Variants in GMDS observed in about 807,000 individuals in gnomAD.
The protein encoded by GMDS is GDP-mannose 4,6-dehydratase, also known as GDP-mannose 4,6 dehydratase.
In GMDS, 20 loss-of-function variants were observed where a neutral mutation model predicts 49.9. The ratio of observed to expected loss-of-function variants is 0.40; its 90% confidence interval spans 0.28 to 0.58. The LOEUF is 0.58. Ranked by LOEUF, GMDS falls within the 20% of genes least tolerant of loss-of-function variation. The pLI is 0.42. For missense variants in GMDS, 362 were observed against 481.4 expected, an observed-to-expected ratio of 0.75 and a Z score of 2.32; for synonymous variants, 177 against 178.6, an observed-to-expected ratio of 0.99 and a Z score of 0.07.
rs368348753 is a variant in GMDS at position 1,899,017 on chromosome 6, C to T, written c.771+31086G>A. Among the ~76,000 whole-genome samples the T allele has an allele frequency of 6.6e-5, 10 of 152,340 alleles. 1 individual carries two copies. In the South Asian group the frequency reaches 2.1e-3, roughly 32 times the overall value. On this transcript the variant is annotated intron_variant, in intron 7 of 10. Coordinates refer to ENST00000380815, the MANE Select transcript of GMDS (RefSeq NM_001500.4). ...ATAACAGTGCTTCATGAGCTTTCGC[C>T]TGCCTTATAAATGCTCCTCTGTGCT...
intron 4 of GMDS, among the ~76,000 whole-genome samples, chr6:1,964,005 G>T (rs974981201): frequency 1.3e-5 from 2 of 152,196 alleles, no homozygotes; most frequent in East Asian, 1.9e-4. Flanking sequence ...CCTGGATGAG[G>T]CTCACCACAA....
At chr6:2,062,395 C>G (rs1387023043) in intron 4 of GMDS, among the ~76,000 whole-genome samples, 2 of 152,136 alleles carry the variant, frequency 1.3e-5, no homozygotes, top group African/African-American at 4.8e-5. Flanking sequence ...GCATTGCTGA[C>G]CTGAAACATC....
rs116010142 is a variant in GMDS, at chr6:2,178,136, C to T, written c.103-53405G>A. Reference sequence around the variant, plus strand: ...AACAATAGACACTGGGGACTACTGGCGGGAGGGAAGAAGGAGAGCAACAGC... The same window carrying T: ...AACAATAGACACTGGGGACTACTGGTGGGAGGGAAGAAGGAGAGCAACAGC... On this transcript the variant is annotated intron_variant, in intron 1 of 10. Transcript: ENST00000380815. 9.2e-3 allele frequency among the ~76,000 whole-genome samples: 1,398 copies of T among 152,180 alleles called. 5 individuals carry two copies. Among genetic ancestry groups the T allele is most frequent in the Middle Eastern group, 0.017 (5 of 294 alleles).
chr6:1,676,553 C>A (rs1764632614), intron 9 of GMDS, among the ~76,000 whole-genome samples: 1 of 152,162 alleles, frequency 6.6e-6, no homozygotes, highest in African/African-American at 2.4e-5. Flanking sequence ...CTACAGTAAC[C>A]AAAACAGCAT....
intron 9 of GMDS, among the ~76,000 whole-genome samples, chr6:1,680,149 A>G (rs1764743309): frequency 3.9e-5 from 6 of 152,230 alleles, no homozygotes; most frequent in Admixed American, 3.9e-4. Flanking sequence ...GGTCACAAAG[A>G]GGAAATTCTA....
intron 6 of GMDS, among the ~76,000 whole-genome samples, chr6:1,947,379 C>A (rs546603355): frequency 6.6e-6 from 1 of 152,274 alleles, no homozygotes; most frequent in Middle Eastern, 3.4e-3. Context: ...CTGTTAGGGT[C>A]ATAAGAGGCA....
chr6:2,035,739 T>C (rs1769266049), intron 4 of GMDS, among the ~76,000 whole-genome samples: 1 of 152,048 alleles, frequency 6.6e-6, no homozygotes, highest in African/African-American at 2.4e-5. Context: ...CAGGCTGGAG[T>C]GCAATGGTGC....
chr6:1,947,931 C>G (rs1034265327), intron 6 of GMDS, among the ~76,000 whole-genome samples: 1 of 151,942 alleles, frequency 6.6e-6, no homozygotes, highest in Non-Finnish European at 1.5e-5. Context: ...ATGCATTTTC[C>G]CCTTTATTCC....
intron 6 of GMDS, chr6:1,949,079 A>G (rs2127273758): frequency 1.1e-6 from 1 of 947,464 alleles, no homozygotes; most frequent in Non-Finnish European, 1.3e-6. Flanking sequence ...AAGGAGTAAA[A>G]AAACTAATTC....
At chr6:2,126,513 G>C (rs1332551204) in intron 1 of GMDS, among the ~76,000 whole-genome samples, 2 of 152,170 alleles carry the variant, frequency 1.3e-5, no homozygotes, top group Non-Finnish European at 2.9e-5. Context: ...GAAAATGAAA[G>C]GACTGCCAAG....
intron 9 of GMDS, among the ~76,000 whole-genome samples, chr6:1,669,452 A>G (rs1471810397): frequency 6.6e-6 from 1 of 152,210 alleles, no homozygotes; most frequent in Non-Finnish European, 1.5e-5. Context: ...ACGTTTGTTT[A>G]GAGAGAAAAA....
intron 4 of GMDS, among the ~76,000 whole-genome samples, chr6:1,990,643 C>T (rs1201374587): frequency 6.6e-6 from 1 of 152,120 alleles, no homozygotes; most frequent in Non-Finnish European, 1.5e-5. Context: ...GACACAACCT[C>T]GGCTCATTCT....
At chr6:2,171,823 A>C (rs1778019398) in intron 1 of GMDS, among the ~76,000 whole-genome samples, 1 of 145,378 alleles carries the variant, frequency 6.9e-6, no homozygotes, top group Non-Finnish European at 1.5e-5. Context: ...GAAAGAAGTT[A>C]AGGTAAAAAG....
At position 1,836,652 on chromosome 6, in the gene GMDS, G is replaced by C. The variant is rs1487276901; in HGVS notation, c.771+93451C>G. Among the ~76,000 whole-genome samples the C allele has an allele frequency of 6.6e-6, 1 of 152,286 alleles. No homozygotes were observed. On this transcript the variant is annotated intron_variant, in intron 7 of 10. Coordinates refer to ENST00000380815, the MANE Select transcript of GMDS (RefSeq NM_001500.4). The surrounding 1 kb of genome is among the most constrained non-coding windows in gnomAD (Gnocchi z 4.2). ...CATAAAAGGGAGATTGGGTAGAAGCGGCTGATGAACTGGTTACATTAACAT... is the reference window on the plus strand; with the variant it reads ...CATAAAAGGGAGATTGGGTAGAAGCCGCTGATGAACTGGTTACATTAACAT...
At chr6:1,703,504 C>T (rs372788948) in intron 9 of GMDS, among the ~76,000 whole-genome samples, 18 of 152,106 alleles carry the variant, frequency 1.2e-4, no homozygotes, top group African/African-American at 4.1e-4. Context: ...CTTTTTTATA[C>T]GGCTTTTTCT....
intron 4 of GMDS, among the ~76,000 whole-genome samples, chr6:2,012,881 T>C (rs1034927395): frequency 6.6e-6 from 1 of 152,118 alleles, no homozygotes; most frequent in Non-Finnish European, 1.5e-5. Context: ...CCCCCTCCTG[T>C]TGCAGTAACA....
chr6:2,105,755 C>T (rs1305227700), intron 4 of GMDS, among the ~76,000 whole-genome samples: 1 of 152,112 alleles, frequency 6.6e-6, no homozygotes, highest in Non-Finnish European at 1.5e-5. Flanking sequence ...AGAAAAGAAA[C>T]TCAGGAACAG....
intron 1 of GMDS, among the ~76,000 whole-genome samples, chr6:2,198,584 A>C (rs149875768): frequency 7.9e-5 from 12 of 152,292 alleles, no homozygotes; most frequent in African/African-American, 2.9e-4. Flanking sequence ...CAAGAGAATT[A>C]AGCAATAAAG....
chr6:2,103,341 A>G (rs966815471), intron 4 of GMDS, among the ~76,000 whole-genome samples: 1 of 152,202 alleles, frequency 6.6e-6, no homozygotes, highest in Non-Finnish European at 1.5e-5. Flanking sequence ...TACTAAGAAA[A>G]TAATTATGTC....
Sources: gnomAD v4.1 joint callset for allele counts (sites outside exome capture counted in the v4.1 genomes callset) on GRCh38, gnomAD v4.1.1 for gene constraint, Gnocchi (gnomAD v3.1) non-coding constraint, MANE v1.5 for transcripts, NCBI Gene and HGNC (gene_info 2026-07-23, HGNC 2026-07-21) for gene names.